Variants in GRK4 observed in about 807,000 individuals in gnomAD.
GRK4 encodes G protein-coupled receptor kinase 4, also known as G protein-coupled receptor kinase 2-like.
In GRK4, 73 loss-of-function variants were observed where a neutral mutation model predicts 77.9. That is an observed-to-expected ratio of 0.94 (90% CI 0.78 to 1.14). The LOEUF is 1.14. Ranked by LOEUF, GRK4 falls within the 50% of genes most tolerant of loss-of-function variation. The pLI, the probability that GRK4 is intolerant of heterozygous loss-of-function variation, is 0.00. For synonymous variants in GRK4, 257 were observed against 254.4 expected (o/e 1.01, Z -0.10); for missense variants, 729 against 700.2 (o/e 1.04, Z -0.46).
chr4:3,025,598 T>G (rs930477398), intron 10 of GRK4, among the ~76,000 whole-genome samples: 1 of 151,792 alleles, frequency 6.6e-6, no homozygotes, highest in Non-Finnish European at 1.5e-5. Context: ...TTCACCGTGT[T>G]AGCCAGGATG....
rs1302207767 is a variant in GRK4 at position 3,035,462 on chromosome 4, T to C, written c.1346T>C (p.Phe449Ser). ...GAAGVKQHPV[F>S]KDINFRRLEA... ...GCTGGGGTGAAGCAGCACCCCGTGT[T>C]CAAGGACATCAACTTCAGGAGGCTG... The change falls in exon 13 of 16, where the codon TTC becomes TCC. Residue 449 changes from phenylalanine (F) to serine (S), a missense_variant. By Grantham distance (155) the Phe-to-Ser change is radical. Coordinates refer to ENST00000398052, the MANE Select transcript of GRK4 (RefSeq NM_182982.3). The C allele has an allele frequency of 2.5e-6, 4 of 1,613,866 alleles. No individual in the cohort carries two copies. Among genetic ancestry groups the C allele is most frequent in the Admixed American group, 1.7e-5 (1 of 59,984 alleles).
At chr4:3,016,714 A>G (rs6843832) in intron 8 of GRK4, among the ~76,000 whole-genome samples, 8,050 of 138,056 alleles carry the variant, frequency 0.058, 412 homozygotes, top group African/African-American at 0.13. Context: ...ACAAAGCAAA[A>G]CAAAAAAAAA....
chr4:2,983,371 A>C (rs1001528640), intron 1 of GRK4, among the ~76,000 whole-genome samples: 11 of 152,230 alleles, frequency 7.2e-5, no homozygotes, highest in Admixed American at 6.5e-4. Context: ...AAATTCAGTA[A>C]AATTTTAGCT....
intron 4 of GRK4, among the ~76,000 whole-genome samples, chr4:3,001,035 C>G (rs1729406236): frequency 6.8e-6 from 1 of 147,108 alleles, no homozygotes; most frequent in South Asian, 2.1e-4. Context: ...CAAGTCTCTC[C>G]TCATCCATCA....
rs35993504 is a variant in GRK4, at chr4:2,995,506, TAAAAAAA to T, written c.339+3233_339+3239del. Among the ~76,000 whole-genome samples, 16 of 93,968 alleles carry T rather than the reference TAAAAAAA, an allele frequency of 1.7e-4. No homozygotes were observed. The South Asian group carries it at 3.6e-3, about 21-fold the overall frequency. The allele number at this position is 93,968 out of a possible 152,430, so 61.6% of individuals were successfully genotyped here. On this transcript the variant is annotated intron_variant, in intron 4 of 15. Transcript: ENST00000398052. ...CAACATGGTGAAACCTCATCTCTAC[TAAAAAAA>T]AAAAAAAAAAAAAAAAAATTAACTG... is the stretch of plus-strand genomic sequence containing the variant.
rs138161585 is a variant in GRK4, at chr4:3,037,443, G to C, written c.1477G>C (p.Asp493His). Residue 493 changes from aspartate to histidine, a missense_variant, in exon 14 of 16, where the codon GAC becomes CAC. Physicochemically the swap from Asp to His is moderately conservative, Grantham distance 81 (BLOSUM62 -1). Coordinates refer to ENST00000398052, the MANE Select transcript of GRK4 (RefSeq NM_182982.3). Reference sequence around the variant, plus strand: ...CTCGGTGGTGAAAGGGATCTACCTGGACACCGCAGATGAAGACTTCTATGC... The same window carrying C: ...CTCGGTGGTGAAAGGGATCTACCTGCACACCGCAGATGAAGACTTCTATGC... ...QFSVVKGIYL[D>H]TADEDFYARF... 1.2e-6 allele frequency: 2 copies of C among 1,608,826 alleles called. No homozygotes were observed. The highest frequency in any genetic ancestry group is 2.7e-5 in the African/African-American group (2 of 74,656).
At chr4:3,027,818 A>G (rs767477503) in intron 10 of GRK4, 94 bp from the exon 11 acceptor site, 2 of 943,148 alleles carry the variant, frequency 2.1e-6, no homozygotes, top group East Asian at 2.4e-5. Flanking sequence ...ATTTCCAGCC[A>G]TGGTTTTTGA....
At chr4:3,021,310 G>A (rs187680517) in intron 9 of GRK4, among the ~76,000 whole-genome samples, 198 of 152,234 alleles carry the variant, frequency 1.3e-3, no homozygotes, top group African/African-American at 4.6e-3. Flanking sequence ...CTGCTCATCC[G>A]CCCAGAGTTG....
chr4:3,040,487 A>G (rs1205195697), intron 15 of GRK4, 85 bp from the exon 16 acceptor site: 2 of 1,084,152 alleles, frequency 1.8e-6, no homozygotes, highest in African/African-American at 1.6e-5. Context: ...CCCCCACCCA[A>G]AAGTTTGTAA....
At chr4:3,036,148 C>T (rs1200146034) in intron 13 of GRK4, among the ~76,000 whole-genome samples, 1 of 152,232 alleles carries the variant, frequency 6.6e-6, no homozygotes, top group East Asian at 1.9e-4. Flanking sequence ...GGTCTCAGGG[C>T]TGGCTTTCTC....
intron 4 of GRK4, among the ~76,000 whole-genome samples, chr4:2,995,506 TAAAAAAAAAAAA>T (rs35993504): frequency 1.1e-5 from 1 of 93,982 alleles, no homozygotes; most frequent in Non-Finnish European, 2.1e-5. Context: ...TCATCTCTAC[TAAAAAAAAAAAA>T]AAAAAAAAAA....
chr4:3,019,519 T>C (rs1735488954), intron 8 of GRK4, 122 bp from the exon 9 acceptor site: 2 of 836,848 alleles, frequency 2.4e-6, no homozygotes, highest in Non-Finnish European at 1.9e-6. Flanking sequence ...CTGAAACATA[T>C]AGTATTCACA....
chr4:3,014,760 G>A lies in GRK4; in HGVS notation c.741+932G>A, dbSNP rs1347145068. The stretch of plus-strand genomic sequence containing the variant: ...TGCAGTGAGCTGAGATTGCACCACC[G>A]CACTCCAGCCTGGGCAACAGAGCGA... On this transcript the variant is annotated intron_variant, in intron 8 of 15. Transcript: ENST00000398052. Among the ~76,000 whole-genome samples the A allele has an allele frequency of 2.0e-5, 3 of 151,976 alleles. No homozygotes were observed. In the South Asian group the frequency reaches 6.2e-4, roughly 32 times the overall value.
intron 1 of GRK4, among the ~76,000 whole-genome samples, chr4:2,981,810 T>A (rs1722954966): frequency 6.6e-6 from 1 of 152,246 alleles, no homozygotes; most frequent in African/African-American, 2.4e-5. Flanking sequence ...CCTGTCTGCC[T>A]CCTGCCCTTG....
At chr4:2,971,110 T>C (rs1719429848) in intron 1 of GRK4, 1 of 152,238 alleles carries the variant, frequency 6.6e-6, no homozygotes. Context: ...AAGTTACTTT[T>C]TAGCAGAAAC....
chr4:2,971,825 G>A (rs1161669191), intron 1 of GRK4, among the ~76,000 whole-genome samples: 1 of 152,156 alleles, frequency 6.6e-6, no homozygotes, highest in African/African-American at 2.4e-5. Context: ...TGGCTTGGAG[G>A]TGCATCATTC....
At chr4:2,996,047 G>T (rs999972386) in intron 4 of GRK4, among the ~76,000 whole-genome samples, 3 of 152,090 alleles carry the variant, frequency 2.0e-5, no homozygotes, top group Non-Finnish European at 4.4e-5. Context: ...ATTCGAAGGG[G>T]CTCACATTCC....
chr4:3,003,836 A>G (rs1730523818), intron 4 of GRK4, among the ~76,000 whole-genome samples: 1 of 152,116 alleles, frequency 6.6e-6, no homozygotes, highest in South Asian at 2.1e-4. Context: ...TCCCAGGTTC[A>G]AGTGATTCTC....
chr4:3,016,280 G>T (rs1734466569), intron 8 of GRK4, among the ~76,000 whole-genome samples: 2 of 150,702 alleles, frequency 1.3e-5, no homozygotes, highest in African/African-American at 4.9e-5. Flanking sequence ...ACTTTGGGAG[G>T]CCAAGGCCTG....
Sources: gnomAD v4.1 joint callset for allele counts (sites outside exome capture counted in the v4.1 genomes callset) on GRCh38, gnomAD v4.1.1 for gene constraint, MANE v1.5 for transcripts, NCBI Gene and HGNC (gene_info 2026-07-23, HGNC 2026-07-21) for gene names.